Variants in CAMKMT observed in about 807,000 individuals in gnomAD.
The protein encoded by CAMKMT is calmodulin-lysine N-methyltransferase, also known as CaM KMT.
CAMKMT carries 53 observed loss-of-function variants against 48.0 expected under a neutral mutation model. The ratio of observed to expected loss-of-function variants is 1.10; its 90% confidence interval spans 0.89 to 1.39. The LOEUF is 1.39. CAMKMT is among the 40% of genes most tolerant of loss of function. The pLI, the probability that CAMKMT is intolerant of heterozygous loss-of-function variation, is 0.00. For synonymous variants in CAMKMT, 165 were observed against 152.3 expected (o/e 1.08, Z -0.61); for missense variants, 428 against 402.7 (o/e 1.06, Z -0.54).
chr2:44,583,434 A>C (rs1309986393), intron 3 of CAMKMT, among the ~76,000 whole-genome samples: 1 of 152,226 alleles, frequency 6.6e-6, no homozygotes, highest in Admixed American at 6.5e-5. Flanking sequence ...AATCAGATCA[A>C]GTTTATGCTT....
intron 3 of CAMKMT, among the ~76,000 whole-genome samples, chr2:44,447,919 T>C (rs188889438): frequency 6.6e-6 from 1 of 152,242 alleles, no homozygotes. Flanking sequence ...TTCATTTGTC[T>C]GTCTGTTTTA....
At chr2:44,694,604 A>G (rs755757832) in intron 3 of CAMKMT, among the ~76,000 whole-genome samples, 2 of 152,188 alleles carry the variant, frequency 1.3e-5, no homozygotes, top group Non-Finnish European at 2.9e-5. Context: ...TACTTCACTA[A>G]CAATAACAAC....
intron 3 of CAMKMT, among the ~76,000 whole-genome samples, chr2:44,530,112 G>T (rs1572725984): frequency 6.6e-6 from 1 of 152,156 alleles, no homozygotes; most frequent in Admixed American, 6.6e-5. Flanking sequence ...TCACTTCAAT[G>T]TCATAGTATT....
At chr2:44,678,119 C>T (rs746308468) in intron 3 of CAMKMT, among the ~76,000 whole-genome samples, 4 of 152,056 alleles carry the variant, frequency 2.6e-5, no homozygotes, top group African/African-American at 4.8e-5. Context: ...TGGGTTGCTG[C>T]GTTTCCGAAA....
intron 3 of CAMKMT, among the ~76,000 whole-genome samples, chr2:44,522,321 A>G (rs543243973): frequency 1.3e-5 from 2 of 151,946 alleles, no homozygotes; most frequent in East Asian, 1.9e-4. Flanking sequence ...TTCATTTCAT[A>G]TTCTATCTGT....
chr2:44,482,142 C>T (rs531684574), intron 3 of CAMKMT, among the ~76,000 whole-genome samples: 2 of 152,028 alleles, frequency 1.3e-5, no homozygotes, highest in Admixed American at 1.3e-4. Context: ...TAGGGAAAGA[C>T]TTTCAGGAGA....
intron 3 of CAMKMT, among the ~76,000 whole-genome samples, chr2:44,496,842 G>T (rs1467740996): frequency 6.6e-6 from 1 of 152,128 alleles, no homozygotes; most frequent in African/African-American, 2.4e-5. Context: ...AGGCATCTGG[G>T]GACTCTGATA....
intron 6 of CAMKMT, among the ~76,000 whole-genome samples, chr2:44,709,996 T>C (rs1314235270): frequency 1.3e-5 from 2 of 152,086 alleles, no homozygotes; most frequent in African/African-American, 2.4e-5. Context: ...CTGTATATTA[T>C]TCTTATCATT....
intron 3 of CAMKMT, among the ~76,000 whole-genome samples, chr2:44,552,337 T>C (rs185119389): frequency 1.3e-5 from 2 of 152,196 alleles, no homozygotes; most frequent in African/African-American, 4.8e-5. Flanking sequence ...TTTAAAAGAC[T>C]GTGGCTTTCT....
intron 3 of CAMKMT, among the ~76,000 whole-genome samples, chr2:44,423,443 C>T (rs963602957): frequency 5.3e-5 from 8 of 152,112 alleles, no homozygotes; most frequent in South Asian, 2.1e-4. Flanking sequence ...CTTGGCCTCC[C>T]GAAGTGCTGG....
chr2:44,534,491 A>T (rs916984993), intron 3 of CAMKMT, among the ~76,000 whole-genome samples: 1 of 152,196 alleles, frequency 6.6e-6, no homozygotes, highest in African/African-American at 2.4e-5. Flanking sequence ...TAGGCCAGAA[A>T]ACAAATCTCA....
intron 1 of CAMKMT, 51 bp downstream of exon 1, chr2:44,362,196 A>T: frequency 1.5e-6 from 2 of 1,371,480 alleles, no homozygotes; most frequent in Non-Finnish European, 1.9e-6. Flanking sequence ...CTCCTCTCTC[A>T]CGTACCGGGG....
At chr2:44,374,646 A>T (rs1039306522) in intron 2 of CAMKMT, among the ~76,000 whole-genome samples, 1 of 152,238 alleles carries the variant, frequency 6.6e-6, no homozygotes, top group Non-Finnish European at 1.5e-5. Context: ...GATGATCCTC[A>T]TGTAGTACTA....
chr2:44,363,750 C>T (rs1223293465), intron 1 of CAMKMT, among the ~76,000 whole-genome samples: 1 of 146,976 alleles, frequency 6.8e-6, no homozygotes, highest in African/African-American at 2.5e-5. Flanking sequence ...AGTGCAATGG[C>T]GCAATCTCGG....
chr2:44,691,222 A>T (rs766582939), intron 3 of CAMKMT, among the ~76,000 whole-genome samples: 140 of 152,126 alleles, frequency 9.2e-4, no homozygotes, highest in Non-Finnish European at 1.5e-3. Flanking sequence ...ACCGCCGTGC[A>T]TTTCTTTTTC....
At chr2:44,430,399 T>C (rs974954326) in intron 3 of CAMKMT, among the ~76,000 whole-genome samples, 1 of 151,854 alleles carries the variant, frequency 6.6e-6, no homozygotes, top group Admixed American at 6.6e-5. Context: ...TGAAGTGAAA[T>C]GTTGAGAAGG....
chr2:44,640,973 C>G (rs1026351342), intron 3 of CAMKMT, among the ~76,000 whole-genome samples: 7 of 152,204 alleles, frequency 4.6e-5, no homozygotes, highest in Non-Finnish European at 8.8e-5. Flanking sequence ...ACCAAGGCCA[C>G]TTGGTTCCAG....
At chr2:44,404,481 G>A (rs1682640564) in intron 3 of CAMKMT, among the ~76,000 whole-genome samples, 1 of 151,980 alleles carries the variant, frequency 6.6e-6, no homozygotes, top group South Asian at 2.1e-4. Flanking sequence ...GCACTAAGTT[G>A]CTATTCATCT....
At chr2:44,755,982 C>G (rs1026629210) in intron 9 of CAMKMT, among the ~76,000 whole-genome samples, 2 of 152,236 alleles carry the variant, frequency 1.3e-5, no homozygotes, top group African/African-American at 4.8e-5. Flanking sequence ...GGCTGATACT[C>G]AAGGCTGCCA....
Sources: allele counts gnomAD v4.1 joint callset (sites outside exome capture counted in the v4.1 genomes callset), GRCh38; gene constraint gnomAD v4.1.1; transcripts MANE v1.5; gene names NCBI Gene and HGNC (gene_info 2026-07-23, HGNC 2026-07-21).